Variants in ALG1L2 observed in about 807,000 individuals in gnomAD.
ALG1L2 encodes the protein putative glycosyltransferase ALG1L2.
Under a neutral mutation model 29.0 loss-of-function variants are expected in ALG1L2, and 32 were observed. That is an observed-to-expected ratio of 1.10 (90% confidence interval 0.83 to 1.48). The LOEUF (loss-of-function observed/expected upper bound fraction) is 1.48. Among genes scored for constraint, ALG1L2 ranks in the 40% most tolerant of loss-of-function variants. The pLI, the probability that ALG1L2 is intolerant of heterozygous loss-of-function variation, is 0.00. For missense variants in ALG1L2, 318 were observed against 274.1 expected (o/e 1.16, Z -1.13); for synonymous variants, 110 against 109.5 (o/e 1.00, Z -0.03).
intron 1 of ALG1L2, among the ~76,000 whole-genome samples, chr3:130,088,024 CTT>C (rs1934928153): frequency 6.6e-6 from 1 of 152,306 alleles, no homozygotes; most frequent in Non-Finnish European, 1.5e-5. Context: ...AGGCTGGGGA[CTT>C]TCTGAGCCCC....
Position 130,094,134 on chromosome 3 carries a change from A to G in ALG1L2, c.314-269A>G, listed in dbSNP as rs1178333654. Reference sequence around the variant, plus strand: ...CCCACCCAGTGGGTGGTCGCGTGCCAGGCCAGTGCTTACCCCGCCTTGTTT... The same window carrying G: ...CCCACCCAGTGGGTGGTCGCGTGCCGGGCCAGTGCTTACCCCGCCTTGTTT... On this transcript the variant is annotated intron_variant, in intron 4 of 7. Coordinates refer to ENST00000425059, the MANE Select transcript of ALG1L2 (RefSeq NM_001136152.1). 37 of 494,280 alleles carry G rather than the reference A, an allele frequency of 7.5e-5. No homozygotes were observed. The Admixed American group carries it at 1.1e-3, about 15-fold the overall frequency. The allele number at this position is 494,280 out of a possible 1,614,324, so 30.6% of individuals were successfully genotyped here.
rs141209692 is a variant in ALG1L2 at position 130,095,292 on chromosome 3, A to G, written c.425-757A>G. ...GTGATCCTCTCGCCTTGGCCTCCCT[A>G]AGTGCTGGGATTCCAGGTGTGACCC... On this transcript the variant is annotated intron_variant, in intron 5 of 7. Transcript: ENST00000425059. Among the ~76,000 whole-genome samples, 633 of 151,936 alleles carry G rather than the reference A, an allele frequency of 4.2e-3. 6 individuals carry two copies. Among genetic ancestry groups the G allele is most frequent in the African/African-American group, 0.014 (599 of 41,420 alleles).
chr3:130,094,940 AGTC>A (rs879726914), intron 5 of ALG1L2, among the ~76,000 whole-genome samples: 2 of 152,242 alleles, frequency 1.3e-5, no homozygotes, highest in East Asian at 3.9e-4. Flanking sequence ...CCAAGTGGGG[AGTC>A]GTGGCTTGTT....
At chr3:130,089,729 C>G (rs1201448877) in intron 1 of ALG1L2, among the ~76,000 whole-genome samples, 3 of 152,406 alleles carry the variant, frequency 2.0e-5, no homozygotes, top group African/African-American at 7.2e-5. Flanking sequence ...GGCTTATTTC[C>G]TTGATAATTT....
chr3:130,096,762 T>C (rs529814120), intron 6 of ALG1L2, among the ~76,000 whole-genome samples: 6 of 152,268 alleles, frequency 3.9e-5, no homozygotes, highest in East Asian at 3.9e-4. Context: ...GATGTGAGCC[T>C]CTCGTGTGAG....
At chr3:130,092,254 G>T (rs1935034677) in intron 3 of ALG1L2, 32 bp downstream of exon 3, 1 of 1,600,398 alleles carries the variant, frequency 6.2e-7, no homozygotes, top group Non-Finnish European at 8.5e-7. Flanking sequence ...CTTGGGGTTG[G>T]TGTGAAGGGC....
At position 130,091,367 on chromosome 3, in the gene ALG1L2, G is replaced by T. The variant is rs1478701072; in HGVS notation, c.127G>T (p.Ala43Ser). 1 of 1,596,638 alleles carries T rather than the reference G, an allele frequency of 6.3e-7. No homozygotes were observed. The highest frequency in any genetic ancestry group is 1.3e-5 in the African/African-American group (1 of 74,958). ...KLGSTHSPFR[A>S]RSEPEDPDTE... ...GGGCAGCACGCACTCTCCGTTCAGGGCCCGGTAGGCCTCCCACCCTCAGCT... is the reference window on the plus strand; with the variant it reads ...GGGCAGCACGCACTCTCCGTTCAGGTCCCGGTAGGCCTCCCACCCTCAGCT... The change falls in exon 2 of 8, where the codon GCC becomes TCC. Residue 43 changes from alanine (A) to serine (S), a missense_variant. Physicochemically the swap from Ala to Ser is moderately conservative, Grantham distance 99. Coordinates refer to ENST00000425059, the MANE Select transcript of ALG1L2 (RefSeq NM_001136152.1).
At chr3:130,091,216 T>C (rs1038423920) in intron 1 of ALG1L2, 45 bp from the exon 2 acceptor site, 1 of 1,571,852 alleles carries the variant, frequency 6.4e-7, no homozygotes, top group South Asian at 1.1e-5. Context: ...GAAAGTAGCC[T>C]CCATGCTGGA....
intron 2 of ALG1L2, 63 bp from the exon 3 acceptor site, chr3:130,092,038 T>C: frequency 1.9e-6 from 3 of 1,594,590 alleles, no homozygotes; most frequent in Non-Finnish European, 2.6e-6. Flanking sequence ...TGGCAGGAGA[T>C]GCCCGTTCTG....
rs373833567 is a variant in ALG1L2, at chr3:130,097,116, C to A, written c.540-59C>A. ...GGGTGGGTGGGAGCCCAGCTGGGCA[C>A]CCCAGGGGTCTAGTGTCTTCTCCAG... On this transcript the variant is annotated intron_variant, in intron 6 of 7. Coordinates refer to ENST00000425059, the MANE Select transcript of ALG1L2 (RefSeq NM_001136152.1). The A allele has an allele frequency of 2.5e-6, 4 of 1,600,728 alleles. No individual in the cohort carries two copies. The East Asian group carries it at 6.7e-5, about 27-fold the overall frequency.
intron 3 of ALG1L2, 98 bp from the exon 4 acceptor site, chr3:130,093,003 C>T (rs1353105824): frequency 3.3e-6 from 4 of 1,230,678 alleles, no homozygotes; most frequent in Non-Finnish European, 4.4e-6. Flanking sequence ...GCATTCCAGC[C>T]TGGGTGACAG....
At position 130,081,950 on chromosome 3, in the gene ALG1L2, G is replaced by T. The variant is rs1302439374; in HGVS notation, c.-67G>T. On this transcript the variant is annotated 5_prime_UTR_variant, in exon 1 of 8. Transcript: ENST00000425059. The stretch of plus-strand genomic sequence containing the variant: ...GCAGAGCTCGATTGTAGGGTGTGAG[G>T]CTGTCACAGAGGCTGGAGAAATAAG... 2 of 1,410,662 alleles carry T rather than the reference G, an allele frequency of 1.4e-6. No homozygotes were observed. The highest frequency in any genetic ancestry group is 2.0e-6 in the Non-Finnish European group (2 of 1,020,506). The allele number at this position is 1,410,662 out of a possible 1,614,324, so 87.4% of individuals were successfully genotyped here.
intron 1 of ALG1L2, among the ~76,000 whole-genome samples, chr3:130,086,485 A>G (rs1463755258): frequency 6.7e-6 from 1 of 148,254 alleles, no homozygotes. Flanking sequence ...TGGGCAACAA[A>G]GTGAGACCTC....
At position 130,081,862 on chromosome 3, in the gene ALG1L2, G is replaced by A; in HGVS notation, c.-155G>A. On this transcript the variant is annotated 5_prime_UTR_variant, in exon 1 of 8. Transcript: ENST00000425059. ...GGTGACACCAGGAGGTAACCAGGTG[G>A]AAATCACCCTCAAGTAGCAGAGACA... 9.3e-7 allele frequency: 1 copy of A among 1,073,406 alleles called. No homozygotes were observed. Among genetic ancestry groups the A allele is most frequent in the Non-Finnish European group, 1.4e-6 (1 of 724,952 alleles). 66.5% of individuals were successfully genotyped at this position (1,073,406 alleles called of 1,614,324 possible).
intron 1 of ALG1L2, among the ~76,000 whole-genome samples, chr3:130,082,791 C>G (rs1385920762): frequency 6.8e-6 from 1 of 147,022 alleles, no homozygotes; most frequent in African/African-American, 2.4e-5. Flanking sequence ...GGGGGGTCCG[C>G]AGTGCATGGG....
chr3:130,093,237 C>T, intron 4 of ALG1L2, 77 bp downstream of exon 4: 2 of 1,510,084 alleles, frequency 1.3e-6, no homozygotes, highest in Admixed American at 1.7e-5. Context: ...TTACCCTGTG[C>T]TTCCCACGAT....
chr3:130,097,111 G>A (rs779569107), intron 6 of ALG1L2, 64 bp from the exon 7 acceptor site: 267 of 1,595,942 alleles, frequency 1.7e-4, no homozygotes, highest in Non-Finnish European at 2.2e-4. Flanking sequence ...GAGCCCAGCT[G>A]GGCACCCCAG....
At chr3:130,096,219 G>T (rs1935131017) in intron 6 of ALG1L2, 56 bp downstream of exon 6, 4 of 1,585,712 alleles carry the variant, frequency 2.5e-6, no homozygotes, top group Non-Finnish European at 3.4e-6. Flanking sequence ...CACCGCTGAG[G>T]GGGAAGCAGT....
chr3:130,093,276 T>C, intron 4 of ALG1L2, 116 bp downstream of exon 4: 1 of 1,279,108 alleles, frequency 7.8e-7, no homozygotes, highest in Non-Finnish European at 1.1e-6. Flanking sequence ...ACTGCAGCTC[T>C]CTGCCATAGG....
Sources: gnomAD v4.1 joint callset for allele counts (sites outside exome capture counted in the v4.1 genomes callset) on GRCh38, gnomAD v4.1.1 for gene constraint, MANE v1.5 for transcripts, NCBI Gene and HGNC (gene_info 2026-07-23, HGNC 2026-07-21) for gene names.